The following SORL1 variants were observed in gnomAD, a reference collection of about 807,000 sequenced individuals.
The protein encoded by SORL1 is sortilin related receptor 1, also known as sortilin-related receptor.
A neutral mutation model predicts 273.7 loss-of-function variants in SORL1; 127 were observed. The observed-to-expected ratio is 0.46, with a 90% CI of 0.40 to 0.54. The LOEUF (loss-of-function observed/expected upper bound fraction) is 0.54. Ranked by LOEUF, SORL1 falls within the 20% of genes least tolerant of loss-of-function variation. The pLI is 0.00. For missense variants in SORL1, 2,494 were observed against 2,846.1 expected, an observed-to-expected ratio of 0.88 and a Z score of 2.81; for synonymous variants, 1,031 against 1,067.4, an observed-to-expected ratio of 0.97 and a Z score of 0.66.
intron 1 of SORL1, among the ~76,000 whole-genome samples, chr11:121,459,851 C>T (rs1316351492): frequency 6.6e-6 from 1 of 152,212 alleles, no homozygotes; most frequent in African/African-American, 2.4e-5. Context: ...ACAAACACTA[C>T]AGGCGTGTGG....
At chr11:121,523,046 T>A in intron 11 of SORL1, 57 bp downstream of exon 11, 2 of 1,165,590 alleles carry the variant, frequency 1.7e-6, no homozygotes, top group Non-Finnish European at 1.3e-6. Context: ...TGTGTGAGAA[T>A]GTAGACTGTG....
In SORL1 at chr11:121,613,343, A is replaced by C. The variant is rs578132758; in HGVS notation, c.5419+511A>C. Among the ~76,000 whole-genome samples the C allele has an allele frequency of 3.9e-5, 6 of 152,260 alleles. No individual in the cohort carries two copies. The East Asian group carries it at 9.7e-4, about 24-fold the overall frequency. ...TGTACCAGCAGCAAGTCTCAGCTAA[A>C]ATTCCTCTATCTAAGCACGTGCTAA... On this transcript the variant is annotated intron_variant, in intron 40 of 47. Transcript: ENST00000260197.
intron 2 of SORL1, among the ~76,000 whole-genome samples, chr11:121,471,017 T>A (rs1021166031): frequency 2.0e-5 from 3 of 152,186 alleles, no homozygotes; most frequent in Non-Finnish European, 4.4e-5. Flanking sequence ...CTCAGAGAAA[T>A]ATGGTTTCTC....
chr11:121,543,860 G>A (rs972741083), intron 13 of SORL1, 134 bp downstream of exon 13: 6 of 742,202 alleles, frequency 8.1e-6, no homozygotes, highest in African/African-American at 5.3e-5. Flanking sequence ...ATAAGAGTTA[G>A]CAAAAAGCAT....
rs759431710 is a variant in SORL1, at chr11:121,604,197, A to G, written c.4524A>G (p.Thr1508=). 3.7e-6 allele frequency: 6 copies of G among 1,614,004 alleles called. No individual in the cohort carries two copies. The highest frequency in any genetic ancestry group is 1.3e-5 in the African/African-American group (1 of 74,948). ...AGAAGCCTCTCTGTGTTTCAGCCAC[A>G]CACAGCACCTTGACTTGCATGAGCA... ...QDGRDEANCP[T]HSTLTCMSRE... is the part of the protein sequence containing the mutation. The change falls in exon 33 of 48, where the codon ACA becomes ACG. Residue 1508 remains threonine, a synonymous_variant. Coordinates refer to ENST00000260197, the MANE Select transcript of SORL1 (RefSeq NM_003105.6).
At chr11:121,469,971 A>T in intron 1 of SORL1, 36 bp from the exon 2 acceptor site, 1 of 1,316,788 alleles carries the variant, frequency 7.6e-7, no homozygotes, top group Non-Finnish European at 1.1e-6. Context: ...GCCATCACTT[A>T]TCGTGGGTCC....
At chr11:121,514,352 TC>T (rs2134846803) in intron 8 of SORL1, 31 bp downstream of exon 8, 1 of 1,588,272 alleles carries the variant, frequency 6.3e-7, no homozygotes, top group East Asian at 2.2e-5. Flanking sequence ...TCTCCTGCCT[TC>T]TTAGGCCAAC....
At chr11:121,482,110 A>G (rs1408898681) in intron 3 of SORL1, among the ~76,000 whole-genome samples, 1 of 152,228 alleles carries the variant, frequency 6.6e-6, no homozygotes, top group African/African-American at 2.4e-5. Flanking sequence ...CTGAAGAGTC[A>G]GAAGACAGGA....
intron 24 of SORL1, 25 bp downstream of exon 24, chr11:121,574,388 C>G: frequency 6.2e-7 from 1 of 1,610,048 alleles, no homozygotes; most frequent in Non-Finnish European, 8.5e-7. Context: ...CATCCTGAAA[C>G]CCTGCTCTGG....
intron 33 of SORL1, 64 bp from the exon 34 acceptor site, chr11:121,605,049 G>A: frequency 6.8e-7 from 1 of 1,476,514 alleles, no homozygotes; most frequent in Middle Eastern, 2.1e-4. Context: ...AGGATTACAG[G>A]CGTGAGCCAC....
chr11:121,572,290 C>T (rs1160966412), intron 23 of SORL1, among the ~76,000 whole-genome samples: 1 of 152,182 alleles, frequency 6.6e-6, no homozygotes, highest in African/African-American at 2.4e-5. Context: ...TGGCTTCCTC[C>T]CACCCAGCCC....
At chr11:121,466,278 C>T (rs1453632973) in intron 1 of SORL1, among the ~76,000 whole-genome samples, 5 of 152,108 alleles carry the variant, frequency 3.3e-5, no homozygotes, top group African/African-American at 1.2e-4. Context: ...CCCTCCCACC[C>T]ACTCCCAGGC....
intron 23 of SORL1, among the ~76,000 whole-genome samples, chr11:121,573,094 A>G (rs1862871596): frequency 6.6e-6 from 1 of 152,176 alleles, no homozygotes; most frequent in Admixed American, 6.5e-5. Flanking sequence ...AGCACAGGAA[A>G]TATCTACTTA....
At chr11:121,533,527 A>C (rs955068943) in intron 12 of SORL1, among the ~76,000 whole-genome samples, 4 of 152,182 alleles carry the variant, frequency 2.6e-5, no homozygotes, top group Non-Finnish European at 4.4e-5. Context: ...TGAATGGTTC[A>C]TGTTAGGTCA....
intron 9 of SORL1, among the ~76,000 whole-genome samples, chr11:121,521,382 C>T (rs943828927): frequency 6.6e-6 from 1 of 152,172 alleles, no homozygotes; most frequent in Non-Finnish European, 1.5e-5. Flanking sequence ...TCTACAGCAG[C>T]TTGGTGAGAT....
chr11:121,471,375 A>G (rs1234098410), intron 2 of SORL1, among the ~76,000 whole-genome samples: 1 of 152,186 alleles, frequency 6.6e-6, no homozygotes, highest in Non-Finnish European at 1.5e-5. Context: ...TTTTACAGAC[A>G]CCGCGTGAGC....
chr11:121,523,154 A>T (rs557066409), intron 11 of SORL1, among the ~76,000 whole-genome samples, 165 bp downstream of exon 11: 5 of 152,352 alleles, frequency 3.3e-5, no homozygotes, highest in African/African-American at 9.6e-5. Flanking sequence ...ACTGATTTAT[A>T]TCCACAGTTA....
intron 12 of SORL1, among the ~76,000 whole-genome samples, chr11:121,541,461 T>C (rs1443171114): frequency 5.9e-5 from 9 of 152,206 alleles, no homozygotes; most frequent in Non-Finnish European, 1.0e-4. Flanking sequence ...CCTTCTGCCT[T>C]GGCCTCCCAA....
chr11:121,626,766 C>T (rs1045960766), intron 46 of SORL1: 2 of 152,196 alleles, frequency 1.3e-5, no homozygotes, highest in African/African-American at 2.4e-5. Context: ...TTCAGACTTA[C>T]CCTGGGATTT....
Sources: gnomAD v4.1 joint callset for allele counts (sites outside exome capture counted in the v4.1 genomes callset) on GRCh38, gnomAD v4.1.1 for gene constraint, MANE v1.5 for transcripts, NCBI Gene and HGNC (gene_info 2026-07-23, HGNC 2026-07-21) for gene names.